MLLT3: variants seen among roughly 807,000 people sequenced by gnomAD.
MLLT3 encodes MLLT3 super elongation complex subunit.
A neutral mutation model predicts 53.2 loss-of-function variants in MLLT3; 4 were observed. The ratio of observed to expected loss-of-function variants is 0.08; its 90% confidence interval spans 0.04 to 0.17. MLLT3 has a LOEUF of 0.17. Ranked by LOEUF, MLLT3 falls within the 10% of genes least tolerant of loss-of-function variation. MLLT3 has a pLI of 1.00. For synonymous variants in MLLT3, 283 were observed against 230.6 expected, an observed-to-expected ratio of 1.23 and a Z score of -2.06; for missense variants, 569 against 684.0, an observed-to-expected ratio of 0.83 and a Z score of 1.87.
intron 2 of MLLT3, among the ~76,000 whole-genome samples, chr9:20,538,643 T>A (rs1342898665): frequency 1.3e-5 from 2 of 151,952 alleles, no homozygotes; most frequent in Non-Finnish European, 2.9e-5. Flanking sequence ...AAAGAGAAAA[T>A]GAATACAAAA....
chr9:20,368,956 G>A (rs1355608196), intron 5 of MLLT3, among the ~76,000 whole-genome samples: 3 of 152,188 alleles, frequency 2.0e-5, no homozygotes. Context: ...CCTTTAAAAT[G>A]ATCTAAGGCA....
At chr9:20,619,799 A>G (rs1283195592) in intron 2 of MLLT3, among the ~76,000 whole-genome samples, 2 of 152,232 alleles carry the variant, frequency 1.3e-5, no homozygotes, top group Non-Finnish European at 2.9e-5. Context: ...CCCATTATGG[A>G]AAATGTTTGG....
chr9:20,489,988 G>A (rs142609632), intron 2 of MLLT3, among the ~76,000 whole-genome samples: 1 of 152,124 alleles, frequency 6.6e-6, no homozygotes, highest in African/African-American at 2.4e-5. Context: ...TAAATACATG[G>A]CAAACTGTAA....
chr9:20,520,845 A>G (rs1251528971), intron 2 of MLLT3, among the ~76,000 whole-genome samples: 2 of 152,206 alleles, frequency 1.3e-5, no homozygotes, highest in Non-Finnish European at 2.9e-5. Context: ...AATGCTGGCC[A>G]TGGCCACGGC....
intron 2 of MLLT3, among the ~76,000 whole-genome samples, chr9:20,489,928 A>T (rs565067528): frequency 1.3e-5 from 2 of 152,340 alleles, no homozygotes; most frequent in African/African-American, 4.8e-5. Flanking sequence ...AATGAAAAAA[A>T]TAAGGAGAGA....
At chr9:20,381,012 C>T (rs1335387864) in intron 5 of MLLT3, among the ~76,000 whole-genome samples, 2 of 151,930 alleles carry the variant, frequency 1.3e-5, no homozygotes, top group Admixed American at 1.3e-4. Flanking sequence ...TAAAGAAACA[C>T]TAAGGCTCCA....
chr9:20,563,698 T>C lies in MLLT3; in HGVS notation c.193+56956A>G, dbSNP rs116830155. 4.3e-3 allele frequency among the ~76,000 whole-genome samples: 656 copies of C among 152,278 alleles called. 2 individuals carry two copies. The highest frequency in any genetic ancestry group is 0.014 in the African/African-American group (570 of 41,566). On this transcript the variant is annotated intron_variant, in intron 2 of 10. Coordinates refer to ENST00000380338, the MANE Select transcript of MLLT3 (RefSeq NM_004529.4). ...TTCCCTTTATCCTTCAGTGAAGGCC[T>C]TGTCTATACCTCTTGGCCACAGACA...
rs1820971180 is a variant in MLLT3 at position 20,620,521 on chromosome 9, C to T, written c.193+133G>A. 4 of 625,962 alleles carry T rather than the reference C, an allele frequency of 6.4e-6. No homozygotes were observed. Among genetic ancestry groups the T allele is most frequent in the Admixed American group, 1.0e-4 (2 of 19,446 alleles). 38.8% of individuals were successfully genotyped at this position (625,962 alleles called of 1,614,324 possible). A position where few individuals can be genotyped will look rare whatever the true frequency, so the allele number is the denominator to read the frequency against. Reference sequence around the variant, plus strand: ...AGCCGGGACCTGGCCCGCGCGGCGCCGCGCACCCGGATCCCGAGGCTACGC... The same window carrying T: ...AGCCGGGACCTGGCCCGCGCGGCGCTGCGCACCCGGATCCCGAGGCTACGC... On this transcript the variant is annotated intron_variant, in intron 2 of 10. Coordinates refer to ENST00000380338, the MANE Select transcript of MLLT3 (RefSeq NM_004529.4). This position sits in a 1 kb window ranked among gnomAD's most constrained non-coding sequence, Gnocchi z 6.1.
intron 2 of MLLT3, among the ~76,000 whole-genome samples, chr9:20,612,690 T>A (rs1026285583): frequency 1.3e-5 from 2 of 152,058 alleles, no homozygotes; most frequent in East Asian, 1.9e-4. Context: ...ATAGTCAATA[T>A]ATATATATAA....
rs915090220 is a variant in MLLT3 at position 20,456,228 on chromosome 9, C to T, written c.276+476G>A. Among the ~76,000 whole-genome samples, 12 of 152,112 alleles carry T rather than the reference C, an allele frequency of 7.9e-5. No homozygotes were observed. In the East Asian group the frequency reaches 1.7e-3, roughly 22 times the overall value. ...TGCTGGGATTACAGGTGTGAGCCAC[C>T]GCGCCAGGCCTGAAAACTTTTAAAT... On this transcript the variant is annotated intron_variant, in intron 3 of 10. Transcript: ENST00000380338.
chr9:20,521,546 C>T (rs1818058753), intron 2 of MLLT3, among the ~76,000 whole-genome samples: 1 of 151,866 alleles, frequency 6.6e-6, no homozygotes, highest in Non-Finnish European at 1.5e-5. Flanking sequence ...AAGAAGAAAT[C>T]ATTTAACTGT....
intron 2 of MLLT3, among the ~76,000 whole-genome samples, chr9:20,599,640 T>TGA (rs1359333620): frequency 2.0e-5 from 3 of 152,116 alleles, no homozygotes; most frequent in African/African-American, 7.2e-5. Flanking sequence ...AAAACAGTGA[T>TGA]GAGCTTAGGA....
intron 5 of MLLT3, among the ~76,000 whole-genome samples, chr9:20,379,640 T>C (rs1056786976): frequency 2.0e-5 from 3 of 152,144 alleles, no homozygotes; most frequent in South Asian, 4.1e-4. Flanking sequence ...TTACAAACTT[T>C]AGGTTTTAAT....
chr9:20,425,028 T>C (rs554759232), intron 4 of MLLT3, among the ~76,000 whole-genome samples: 17 of 152,250 alleles, frequency 1.1e-4, no homozygotes, highest in African/African-American at 2.9e-4. Flanking sequence ...TTTTATTACA[T>C]AGCACAATGT....
At chr9:20,445,903 T>A (rs1019769777) in intron 4 of MLLT3, among the ~76,000 whole-genome samples, 3 of 152,282 alleles carry the variant, frequency 2.0e-5, no homozygotes, top group African/African-American at 7.2e-5. Flanking sequence ...GTGAACTCAT[T>A]TCTCATTAAA....
intron 2 of MLLT3, among the ~76,000 whole-genome samples, chr9:20,538,857 AT>A (rs1563807677): frequency 6.6e-6 from 1 of 152,172 alleles, no homozygotes; most frequent in Admixed American, 6.5e-5. Context: ...AGTCAAGTAA[AT>A]TTTTTGGTTT....
At chr9:20,380,478 A>G (rs1360533692) in intron 5 of MLLT3, among the ~76,000 whole-genome samples, 1 of 152,070 alleles carries the variant, frequency 6.6e-6, no homozygotes, top group Non-Finnish European at 1.5e-5. Flanking sequence ...TTCATAAAAC[A>G]GGAGCAATTC....
chr9:20,608,719 A>ATGGGG (rs1820629999), intron 2 of MLLT3, among the ~76,000 whole-genome samples: 1 of 151,968 alleles, frequency 6.6e-6, no homozygotes, highest in South Asian at 2.1e-4. Flanking sequence ...CATGTTCCAA[A>ATGGGG]TTACTTGTAG....
In MLLT3 at chr9:20,353,599, G is replaced by A. The variant is rs1442040736; in HGVS notation, c.1504-3C>T. Reference sequence around the variant, plus strand: ...TCTACCAGTTCATCTAGGTATGCCTGAAAGAGAAGAATGTCCCCGAAAAGG... The same window carrying A: ...TCTACCAGTTCATCTAGGTATGCCTAAAAGAGAAGAATGTCCCCGAAAAGG... On this transcript the variant is annotated splice_region_variant and splice_polypyrimidine_tract_variant and intron_variant, in intron 9 of 10. Transcript: ENST00000380338. The A allele has an allele frequency of 3.1e-6, 5 of 1,612,908 alleles. No homozygotes were observed. Among genetic ancestry groups the A allele is most frequent in the Non-Finnish European group, 4.2e-6 (5 of 1,178,882 alleles).
Sources: gnomAD v4.1 joint callset for allele counts (sites outside exome capture counted in the v4.1 genomes callset) on GRCh38, gnomAD v4.1.1 for gene constraint, Gnocchi (gnomAD v3.1) non-coding constraint, MANE v1.5 for transcripts, NCBI Gene and HGNC (gene_info 2026-07-23, HGNC 2026-07-21) for gene names.